CLBA1: variants seen among roughly 807,000 people sequenced by gnomAD.
The protein encoded by CLBA1 is uncharacterized protein CLBA1.
Under a neutral mutation model 28.8 loss-of-function variants are expected in CLBA1, and 30 were observed. That is an observed-to-expected ratio of 1.04 (90% CI 0.78 to 1.41). The LOEUF (loss-of-function observed/expected upper bound fraction) is 1.41. Ranked by LOEUF, CLBA1 falls within the 40% of genes most tolerant of loss-of-function variation. The probability of loss-of-function intolerance (pLI) is 0.00; values close to 1 mark genes in which losing one functional copy is unlikely to be tolerated. For missense variants in CLBA1, 451 were observed against 412.3 expected, an observed-to-expected ratio of 1.09 and a Z score of -0.81; for synonymous variants, 160 against 152.8, an observed-to-expected ratio of 1.05 and a Z score of -0.35.
intron 2 of CLBA1, chr14:104,989,412 G>A: frequency 2.5e-6 from 1 of 397,564 alleles, no homozygotes; most frequent in East Asian, 6.0e-5. Context: ...TGGCTGGTGG[G>A]CCTGGGCAGT....
At chr14:104,991,968 CCACACA>C (rs757883679) in intron 3 of CLBA1, among the ~76,000 whole-genome samples, 1 of 151,418 alleles carries the variant, frequency 6.6e-6, no homozygotes. Context: ...GCACACGCCG[CCACACA>C]CACGCCTCAC....
intron 2 of CLBA1, chr14:104,990,789 G>A (rs1899997579): frequency 6.5e-6 from 1 of 153,650 alleles, no homozygotes; most frequent in African/African-American, 2.4e-5. Context: ...CACAGTTCTA[G>A]GCACTTGAGT....
At chr14:104,991,720 G>T (rs558801939) in intron 3 of CLBA1, 100 bp downstream of exon 3, 1 of 1,439,966 alleles carries the variant, frequency 6.9e-7, no homozygotes, top group African/African-American at 1.4e-5. Context: ...GCAGGCAGAG[G>T]TGTGGGTTCA....
Position 104,994,832 on chromosome 14 carries a change from G to A in CLBA1, c.*73G>A. ...TGGCTGGGTTGATGTGGAAACCAGA[G>A]CTGTCTGTGGAGCTGTTTTCCAGAC... is the stretch of plus-strand genomic sequence containing the variant. On this transcript the variant is annotated 3_prime_UTR_variant, in exon 5 of 5. Transcript: ENST00000547315. 2 of 1,531,762 alleles carry A rather than the reference G, an allele frequency of 1.3e-6. No individual in the cohort carries two copies. Among genetic ancestry groups the A allele is most frequent in the Non-Finnish European group, 1.7e-6 (2 of 1,143,166 alleles). 94.9% of individuals were successfully genotyped at this position (1,531,762 alleles called of 1,614,324 possible).
At chr14:104,996,619 G>C (rs951612654), downstream of CLBA1, among the ~76,000 whole-genome samples, 3 of 152,188 alleles carry the variant, frequency 2.0e-5, no homozygotes, top group Non-Finnish European at 4.4e-5. Flanking sequence ...AAGACACCCC[G>C]GGCGCAAGGC....
At chr14:104,993,214 G>T in intron 4 of CLBA1, 150 bp downstream of exon 4, 1 of 1,490,714 alleles carries the variant, frequency 6.7e-7, no homozygotes, top group Non-Finnish European at 8.8e-7. Context: ...GTGCTATTTA[G>T]GGCAGACAGG....
chr14:104,991,692 C>G, intron 3 of CLBA1, 72 bp downstream of exon 3: 1 of 1,520,310 alleles, frequency 6.6e-7, no homozygotes, highest in South Asian at 1.3e-5. Context: ...GGCCCTTGGC[C>G]GCGCCCAAGG....
chr14:104,986,134 C>G lies in CLBA1; in HGVS notation c.-298C>G. 2.2e-6 allele frequency: 1 copy of G among 462,068 alleles called. No homozygotes were observed. The highest frequency in any genetic ancestry group is 4.0e-6 in the Non-Finnish European group (1 of 250,302). 28.6% of individuals were successfully genotyped at this position (462,068 alleles called of 1,614,324 possible). On this transcript the variant is annotated 5_prime_UTR_variant, in exon 1 of 5. Transcript: ENST00000547315. ...AGCAGGAGCCCCACCTTGGGCCGCCCCTCTCACACCTGCCGTGGGTCTGGT... is the reference window on the plus strand; with the variant it reads ...AGCAGGAGCCCCACCTTGGGCCGCCGCTCTCACACCTGCCGTGGGTCTGGT...
At position 104,986,043 on chromosome 14, in the gene CLBA1, C is replaced by G. The variant is rs1369661363; in HGVS notation, c.-389C>G. The G allele has an allele frequency of 7.9e-6, 2 of 254,170 alleles. No homozygotes were observed. Among genetic ancestry groups the G allele is most frequent in the Non-Finnish European group, 1.6e-5 (2 of 128,904 alleles). 15.7% of individuals were successfully genotyped at this position (254,170 alleles called of 1,614,324 possible). ...CACTCCTTCCCACTTGGGACTCCCGCGGGCGCCCGGCTCTCGCTCCTCTGG... is the reference window on the plus strand; with the variant it reads ...CACTCCTTCCCACTTGGGACTCCCGGGGGCGCCCGGCTCTCGCTCCTCTGG... On this transcript the variant is annotated 5_prime_UTR_variant, in exon 1 of 5. Transcript: ENST00000547315.
At chr14:104,999,317 G>A (rs1449927724), downstream of CLBA1, 47 of 873,266 alleles carry the variant, frequency 5.4e-5, no homozygotes, top group Non-Finnish European at 6.2e-5. Context: ...GCAGATAACT[G>A]AGCCGTCAGC....
chr14:104,998,794 C>A (rs1050768177), downstream of CLBA1, among the ~76,000 whole-genome samples: 3 of 152,228 alleles, frequency 2.0e-5, no homozygotes, highest in African/African-American at 7.2e-5. Flanking sequence ...GGACAGCTGG[C>A]AGGACAGGTG....
At chr14:104,988,130 T>C (rs1056229884) in intron 1 of CLBA1, among the ~76,000 whole-genome samples, 1 of 152,122 alleles carries the variant, frequency 6.6e-6, no homozygotes, top group Admixed American at 6.6e-5. Flanking sequence ...CCAGCTGAGC[T>C]GGGGCCCGTT....
At chr14:105,000,259 A>C (rs1242025372), downstream of CLBA1, among the ~76,000 whole-genome samples, 4 of 151,494 alleles carry the variant, frequency 2.6e-5, no homozygotes, top group Non-Finnish European at 5.9e-5. Context: ...TAGGAAAAGG[A>C]CCTGAACAGA....
downstream of CLBA1, among the ~76,000 whole-genome samples, chr14:104,999,910 T>C (rs189925791): frequency 4.4e-4 from 67 of 152,212 alleles, no homozygotes; most frequent in African/African-American, 1.2e-3. Context: ...AAACCAAAAG[T>C]AAGCAGAAAG....
At chr14:104,993,284 C>A in intron 4 of CLBA1, 1 of 985,402 alleles carries the variant, frequency 1.0e-6, no homozygotes, top group African/African-American at 1.7e-5. Flanking sequence ...GAAAGACTCT[C>A]AGGCCAGAGG....
At chr14:104,989,697 A>G in intron 2 of CLBA1, 1 of 456,056 alleles carries the variant, frequency 2.2e-6, no homozygotes, top group South Asian at 1.5e-5. Context: ...GCAGTGGTTG[A>G]GAAGCTCGAG....
Position 104,986,349 on chromosome 14 carries a change from G to A in CLBA1, c.-83G>A, listed in dbSNP as rs1374396268. On this transcript the variant is annotated 5_prime_UTR_variant, in exon 1 of 5. Transcript: ENST00000547315. ...CCTCTCCAGGGCAGGGGAAGGTTGG[G>A]CAGTCCTGGGCGGCCAGCACCCCGG... is the stretch of plus-strand genomic sequence containing the variant. The A allele has an allele frequency of 4.9e-6, 7 of 1,438,662 alleles. No individual in the cohort carries two copies. The East Asian group carries it at 1.7e-4, about 35-fold the overall frequency. The allele number at this position is 1,438,662 out of a possible 1,614,324, so 89.1% of individuals were successfully genotyped here. A position where few individuals can be genotyped will look rare whatever the true frequency, so the allele number is the denominator to read the frequency against.
At position 104,995,375 on chromosome 14, in the gene CLBA1, C is replaced by T. The variant is rs1217013019; in HGVS notation, c.*616C>T. On this transcript the variant is annotated 3_prime_UTR_variant, in exon 5 of 5. Coordinates refer to ENST00000547315, the MANE Select transcript of CLBA1 (RefSeq NM_174891.4). ...CCTCACGGTTGTGGACAGGAGGTCGCACCACTGGCCTGCGAGAGCCTCTGG... is the reference window on the plus strand; with the variant it reads ...CCTCACGGTTGTGGACAGGAGGTCGTACCACTGGCCTGCGAGAGCCTCTGG... 1 of 985,456 alleles carries T rather than the reference C, an allele frequency of 1.0e-6. No individual in the cohort carries two copies. The highest frequency in any genetic ancestry group is 1.2e-6 in the Non-Finnish European group (1 of 829,934). 61.0% of individuals were successfully genotyped at this position (985,456 alleles called of 1,614,324 possible).
intron 2 of CLBA1, chr14:104,989,817 G>A (rs1342932446): frequency 7.2e-6 from 3 of 415,014 alleles, no homozygotes; most frequent in African/African-American, 6.1e-5. Flanking sequence ...AGCCAGGGGA[G>A]AGCCAGGTCA....
Sources: gnomAD v4.1 joint callset for allele counts (sites outside exome capture counted in the v4.1 genomes callset) on GRCh38, gnomAD v4.1.1 for gene constraint, MANE v1.5 for transcripts, NCBI Gene and HGNC (gene_info 2026-07-23, HGNC 2026-07-21) for gene names.